MFSD11: variants seen among roughly 807,000 people sequenced by gnomAD.
The protein encoded by MFSD11 is major facilitator superfamily domain containing 11.
In MFSD11, 36 loss-of-function variants were observed where a neutral mutation model predicts 53.5. That is an observed-to-expected ratio of 0.67 (90% CI 0.52 to 0.89). MFSD11 has a LOEUF of 0.89. Among genes scored for constraint, MFSD11 ranks in the 40% least tolerant of loss-of-function variants. The pLI is 0.00. For missense variants in MFSD11, 530 were observed against 543.9 expected (o/e 0.97, Z 0.25); for synonymous variants, 186 against 184.9 (o/e 1.01, Z -0.05).
At chr17:76,798,286 A>T in the MFSD11 span, among the ~76,000 whole-genome samples, 1 of 151,914 alleles carries the variant, frequency 6.6e-6, no homozygotes, top group African/African-American at 2.4e-5. Flanking sequence ...TGGGGTGGGG[A>T]TGCAAAGCCT....
chr17:76,782,974 C>T (rs954460799), downstream of MFSD11, among the ~76,000 whole-genome samples: 7 of 151,552 alleles, frequency 4.6e-5, no homozygotes, highest in South Asian at 4.2e-4. Flanking sequence ...GTCAAGAGTT[C>T]GAGACCAGCC....
At chr17:76,794,842 G>A in the MFSD11 span, among the ~76,000 whole-genome samples, 7 of 151,020 alleles carry the variant, frequency 4.6e-5, no homozygotes, top group African/African-American at 1.7e-4. Flanking sequence ...ACAGGTGCCC[G>A]TCACCATGCC....
intron 11 of MFSD11, among the ~76,000 whole-genome samples, 185 bp downstream of exon 11, chr17:76,775,356 T>A (rs2081725413): frequency 6.6e-6 from 1 of 152,218 alleles, no homozygotes; most frequent in Non-Finnish European, 1.5e-5. Context: ...AAGTTATTTT[T>A]GTAATAGTTG....
At chr17:76,793,572 G>A in the MFSD11 span, among the ~76,000 whole-genome samples, 1 of 151,230 alleles carries the variant, frequency 6.6e-6, no homozygotes. Flanking sequence ...GGGTCCTGAG[G>A]CGACATACAT....
At position 76,776,562 on chromosome 17, in the gene MFSD11, T is replaced by G. The variant is rs200159522; in HGVS notation, c.1185+21T>G. 4.6e-4 allele frequency: 739 copies of G among 1,612,482 alleles called. No homozygotes were observed. The highest frequency in any genetic ancestry group is 6.0e-4 in the Non-Finnish European group (705 of 1,179,556). ...TTCAGGTAACCTCTTCAGATTGTGA[T>G]TGTGTTTGACATAGGGCTCTTCCCT... On this transcript the variant is annotated intron_variant, in intron 12 of 12. Coordinates refer to ENST00000685175, the MANE Select transcript of MFSD11 (RefSeq NM_001242532.5). This position sits in a 1 kb window ranked among gnomAD's most constrained non-coding sequence, Gnocchi z 4.2.
chr17:76,757,790 C>T (rs1444069755), intron 8 of MFSD11, among the ~76,000 whole-genome samples: 1 of 152,030 alleles, frequency 6.6e-6, no homozygotes, highest in Non-Finnish European at 1.5e-5. Flanking sequence ...GCAGGTGGAT[C>T]ACGAGGTCAG....
At chr17:76,768,981 CTCT>C (rs1213159089) in intron 9 of MFSD11, among the ~76,000 whole-genome samples, 11 of 139,910 alleles carry the variant, frequency 7.9e-5, no homozygotes, top group African/African-American at 3.1e-4. Context: ...GCAAGACTCT[CTCT>C]CAAAAAAAAA....
chr17:76,761,752 C>T (rs2080261803), intron 8 of MFSD11, among the ~76,000 whole-genome samples: 1 of 152,018 alleles, frequency 6.6e-6, no homozygotes, highest in Admixed American at 6.6e-5. Flanking sequence ...GAAACCCCAT[C>T]TCTACTAAAA....
At chr17:76,736,716 G>T, upstream of MFSD11, 1 of 1,347,470 alleles carries the variant, frequency 7.4e-7, no homozygotes, top group Non-Finnish European at 9.5e-7. Flanking sequence ...CGCACCACGT[G>T]CTTCGCCGCG....
At chr17:76,762,629 C>G (rs1034297619) in intron 8 of MFSD11, among the ~76,000 whole-genome samples, 1 of 148,348 alleles carries the variant, frequency 6.7e-6, no homozygotes, top group Admixed American at 6.8e-5. Context: ...GCACTCCAGC[C>G]TGGGCGACTG....
downstream of MFSD11, among the ~76,000 whole-genome samples, chr17:76,786,428 C>T (rs182785306): frequency 2.6e-4 from 39 of 152,260 alleles, no homozygotes; most frequent in Admixed American, 1.2e-3. Flanking sequence ...AGGCATAAGC[C>T]ACCACACCTG....
chr17:76,759,185 T>C (rs2079946024), intron 8 of MFSD11, among the ~76,000 whole-genome samples: 1 of 152,162 alleles, frequency 6.6e-6, no homozygotes, highest in South Asian at 2.1e-4. Context: ...GCCTGGGAGA[T>C]TGAGGCTGCA....
chr17:76,755,260 A>G (rs2079450033), intron 8 of MFSD11, among the ~76,000 whole-genome samples: 1 of 152,126 alleles, frequency 6.6e-6, no homozygotes, highest in Admixed American at 6.6e-5. Context: ...ACCAGTTAGT[A>G]GGTGGCTGAA....
intron 7 of MFSD11, among the ~76,000 whole-genome samples, chr17:76,750,611 C>T (rs2078974324): frequency 1.3e-5 from 2 of 152,070 alleles, no homozygotes; most frequent in African/African-American, 4.8e-5. Context: ...CCACCTCAGC[C>T]TCCCAAAGTG....
chr17:76,742,123 A>G, intron 4 of MFSD11, 54 bp from the exon 5 acceptor site: 4 of 1,613,622 alleles, frequency 2.5e-6, no homozygotes, highest in South Asian at 2.2e-5. Context: ...TGTGTTTAGT[A>G]TGTGACTCTA....
chr17:76,792,436 T>C, the MFSD11 span, among the ~76,000 whole-genome samples: 1 of 147,300 alleles, frequency 6.8e-6, no homozygotes, highest in Non-Finnish European at 1.5e-5. Context: ...TCTTTTATTT[T>C]TCTTTTCTTT....
At chr17:76,770,110 T>C (rs1204907865) in intron 10 of MFSD11, among the ~76,000 whole-genome samples, 2 of 149,576 alleles carry the variant, frequency 1.3e-5, no homozygotes, top group Non-Finnish European at 3.0e-5. Context: ...CGATCTCAGC[T>C]CACTGCAAGC....
chr17:76,742,209 ATCAATTCGGATG>A lies in MFSD11; in HGVS notation c.374_385del (p.Ile125_Glu129delinsLys). The stretch of plus-strand genomic sequence containing the variant: ...GACAGCACAAGGAAACTGCCTGACA[ATCAATTCGGATG>A]AGCACAGCATTGGGAGAAACAGTGG... On this transcript the variant is annotated inframe_deletion, in exon 5 of 13. Transcript: ENST00000685175. The A allele has an allele frequency of 6.2e-7, 1 of 1,614,168 alleles. No homozygotes were observed. Among genetic ancestry groups the A allele is most frequent in the Non-Finnish European group, 8.5e-7 (1 of 1,180,036 alleles).
chr17:76,758,606 A>T (rs2079888665), intron 8 of MFSD11, among the ~76,000 whole-genome samples: 1 of 148,744 alleles, frequency 6.7e-6, no homozygotes, highest in African/African-American at 2.5e-5. Context: ...AAAAAAAGTG[A>T]TTGAAGAAAA....
Sources: gnomAD v4.1 joint callset for allele counts (sites outside exome capture counted in the v4.1 genomes callset) on GRCh38, gnomAD v4.1.1 for gene constraint, Gnocchi (gnomAD v3.1) non-coding constraint, MANE v1.5 for transcripts, NCBI Gene and HGNC (gene_info 2026-07-23, HGNC 2026-07-21) for gene names.